ZNF518A: variants seen among roughly 807,000 people sequenced by gnomAD.
ZNF518A encodes zinc finger protein 518A, also known as zinc finger protein 518.
In ZNF518A, 47 loss-of-function variants were observed where a neutral mutation model predicts 102.7. The observed-to-expected ratio is 0.46, with a 90% CI of 0.36 to 0.58. ZNF518A has a LOEUF of 0.58. ZNF518A is among the 20% of genes least tolerant of loss of function. The pLI, the probability that ZNF518A is intolerant of heterozygous loss-of-function variation, is 0.00. For missense variants in ZNF518A, 1,793 were observed against 1,699.8 expected (o/e 1.05, Z -0.96); for synonymous variants, 652 against 594.6 (o/e 1.10, Z -1.40).
chr10:96,189,440 G>C lies in ZNF518A; in HGVS notation n.36-14134G>C, dbSNP rs1350045997. On this transcript the variant is annotated intron_variant and non_coding_transcript_variant, in intron 1 of 2. Transcript: ENST00000442635. ...GGAAGCAATTCTTCACATAATTGAT[G>C]AACTTGGCTTCCACTTTGGGAAGAG... 4.9e-6 allele frequency: 3 copies of C among 611,932 alleles called. No individual in the cohort carries two copies. The Admixed American group carries it at 5.6e-5, about 11-fold the overall frequency. 37.9% of individuals were successfully genotyped at this position (611,932 alleles called of 1,614,324 possible).
At chr10:96,184,071 C>G (rs2083256385) in intron 1 of ZNF518A, among the ~76,000 whole-genome samples, 1 of 152,146 alleles carries the variant, frequency 6.6e-6, no homozygotes, top group Non-Finnish European at 1.5e-5. Context: ...TATTTAATGG[C>G]CTTTTTTGTC....
At chr10:96,166,459 A>ACG (rs1271590897), downstream of ZNF518A, among the ~76,000 whole-genome samples, 2 of 152,148 alleles carry the variant, frequency 1.3e-5, no homozygotes, top group African/African-American at 4.8e-5. Flanking sequence ...TCCAATAGAT[A>ACG]ACCAGAAGCT....
At chr10:96,182,064 G>A (rs1429694425) in intron 1 of ZNF518A, among the ~76,000 whole-genome samples, 1 of 152,288 alleles carries the variant, frequency 6.6e-6, no homozygotes, top group Non-Finnish European at 1.5e-5. Context: ...TCCCTTGTAA[G>A]TTGGATTCCT....
chr10:96,165,977 A>G (rs1554890261), downstream of ZNF518A, among the ~76,000 whole-genome samples: 3 of 152,168 alleles, frequency 2.0e-5, no homozygotes, highest in East Asian at 3.9e-4. Context: ...CTGGTGGTGT[A>G]ACTCTCAGAC....
chr10:96,156,265 T>A lies in ZNF518A; in HGVS notation c.-58T>A. ...ACACAGTATCGTTTCCTGTTTAAAT[T>A]ACAGATAACTTCAAGAGTTTTCAGA... On this transcript the variant is annotated 5_prime_UTR_variant, in exon 6 of 6. Transcript: ENST00000316045. 2.0e-6 allele frequency: 3 copies of A among 1,498,280 alleles called. No homozygotes were observed. The highest frequency in any genetic ancestry group is 2.7e-6 in the Non-Finnish European group (3 of 1,125,884). The allele number at this position is 1,498,280 out of a possible 1,614,324, so 92.8% of individuals were successfully genotyped here.
intron 3 of ZNF518A, among the ~76,000 whole-genome samples, chr10:96,143,893 C>T (rs781905355): frequency 1.3e-5 from 2 of 152,202 alleles, no homozygotes; most frequent in Non-Finnish European, 2.9e-5. Flanking sequence ...TGTGCTTATA[C>T]GCACATATGC....
intron 1 of ZNF518A, among the ~76,000 whole-genome samples, chr10:96,185,233 G>T (rs1292808421): frequency 1.3e-5 from 2 of 152,130 alleles, no homozygotes; most frequent in East Asian, 1.9e-4. Flanking sequence ...TAGCTTCCTT[G>T]TGATGGGTTT....
chr10:96,186,177 C>G (rs587613591), intron 1 of ZNF518A, among the ~76,000 whole-genome samples: 5 of 152,304 alleles, frequency 3.3e-5, no homozygotes, highest in African/African-American at 1.2e-4. Context: ...CTTGTACTTC[C>G]TGGGTGAGGC....
At chr10:96,191,844 C>G in intron 1 of ZNF518A, 1 of 1,274,948 alleles carries the variant, frequency 7.8e-7, no homozygotes. Context: ...ACTTCAATAG[C>G]TGACTCCATC....
intron 3 of ZNF518A, among the ~76,000 whole-genome samples, chr10:96,150,233 C>T (rs968301685): frequency 1.3e-5 from 2 of 150,424 alleles, no homozygotes; most frequent in African/African-American, 2.4e-5. Flanking sequence ...ATTCGGGAGG[C>T]TGAGGCAGGA....
At chr10:96,191,901 G>C in intron 1 of ZNF518A, 1 of 1,586,386 alleles carries the variant, frequency 6.3e-7, no homozygotes, top group Non-Finnish European at 8.6e-7. Flanking sequence ...ATGAAGTTTT[G>C]GGACTTTTTC....
downstream of ZNF518A, among the ~76,000 whole-genome samples, chr10:96,168,598 A>G (rs587615082): frequency 4.1e-4 from 63 of 152,324 alleles, no homozygotes; most frequent in Non-Finnish European, 6.6e-4. Flanking sequence ...GTTTAAAAGA[A>G]TAGCTTTGCT....
At chr10:96,179,982 G>T (rs1591277530) in intron 1 of ZNF518A, among the ~76,000 whole-genome samples, 1 of 150,296 alleles carries the variant, frequency 6.7e-6, no homozygotes. Context: ...GGGTTCAAGC[G>T]ATTCTCCTTA....
chr10:96,186,847 G>A (rs782636278), intron 1 of ZNF518A, among the ~76,000 whole-genome samples: 19 of 152,116 alleles, frequency 1.2e-4, no homozygotes, highest in African/African-American at 2.2e-4. Flanking sequence ...TATCCTTCTC[G>A]TCTAATGGAG....
intron 3 of ZNF518A, among the ~76,000 whole-genome samples, chr10:96,139,397 G>A (rs1211074783): frequency 1.3e-5 from 2 of 152,034 alleles, no homozygotes; most frequent in Non-Finnish European, 2.9e-5. Context: ...AGGTCATAAG[G>A]GCAGAGTCCT....
Position 96,162,256 on chromosome 10 carries a change from A to C in ZNF518A, c.*1482A>C, listed in dbSNP as rs782506657. On this transcript the variant is annotated 3_prime_UTR_variant, in exon 6 of 6. Coordinates refer to ENST00000316045, the MANE Select transcript of ZNF518A (RefSeq NM_001330736.2). Reference sequence around the variant, plus strand: ...GTTTAGTTCAGTGCATGCACTAATAAAACTGGTTGTTTAATTTAAAAGGAA... The same window carrying C: ...GTTTAGTTCAGTGCATGCACTAATACAACTGGTTGTTTAATTTAAAAGGAA... 4.2e-5 allele frequency: 7 copies of C among 166,890 alleles called. No homozygotes were observed. Among genetic ancestry groups the C allele is most frequent in the Admixed American group, 1.3e-4 (2 of 15,272 alleles). The allele number at this position is 166,890 out of a possible 1,614,324, so 10.3% of individuals were successfully genotyped here. A position where few individuals can be genotyped will look rare whatever the true frequency, so the allele number is the denominator to read the frequency against.
chr10:96,131,470 C>A (rs782608015), intron 1 of ZNF518A, among the ~76,000 whole-genome samples: 29 of 152,106 alleles, frequency 1.9e-4, no homozygotes, highest in Non-Finnish European at 3.8e-4. Context: ...TCTGTTAACA[C>A]TTTGAGGGTG....
chr10:96,150,701 A>AAGT (rs1219617040), intron 3 of ZNF518A, among the ~76,000 whole-genome samples: 5 of 102,600 alleles, frequency 4.9e-5, no homozygotes, highest in South Asian at 3.0e-4. Flanking sequence ...ATTTTTTTTT[A>AAGT]AGTTTTCTTT....
In ZNF518A at chr10:96,156,719, A is replaced by C; in HGVS notation, c.397A>C (p.Asn133His). The C allele has an allele frequency of 6.2e-7, 1 of 1,613,882 alleles. No individual in the cohort carries two copies. Among genetic ancestry groups the C allele is most frequent in the Non-Finnish European group, 8.5e-7 (1 of 1,179,792 alleles). The change falls in exon 6 of 6, where the codon AAT becomes CAT. Residue 133 changes from asparagine to histidine, a missense_variant. Asn to His is a moderately conservative substitution (Grantham distance 68). Coordinates refer to ENST00000316045, the MANE Select transcript of ZNF518A (RefSeq NM_001330736.2). ...KCRDNTRYSP[N>H]DLQKHFQMWH... ...CCGAGACAACACTCGATATAGCCCAAATGATTTGCAGAAACACTTTCAAAT... is the reference window on the plus strand; with the variant it reads ...CCGAGACAACACTCGATATAGCCCACATGATTTGCAGAAACACTTTCAAAT...
Sources: gnomAD v4.1 joint callset for allele counts (sites outside exome capture counted in the v4.1 genomes callset) on GRCh38, gnomAD v4.1.1 for gene constraint, MANE v1.5 for transcripts, NCBI Gene and HGNC (gene_info 2026-07-23, HGNC 2026-07-21) for gene names.